PSD3: variants seen among roughly 807,000 people sequenced by gnomAD.
The protein encoded by PSD3 is PH and SEC7 domain-containing protein 3.
A neutral mutation model predicts 105.5 loss-of-function variants in PSD3; 49 were observed. The ratio of observed to expected loss-of-function variants is 0.46; its 90% confidence interval spans 0.37 to 0.59. The LOEUF is 0.59. Among genes scored for constraint, PSD3 ranks in the 20% least tolerant of loss-of-function variants. The pLI, the probability that PSD3 is intolerant of heterozygous loss-of-function variation, is 0.00. For synonymous variants in PSD3, 557 were observed against 457.8 expected (o/e 1.22, Z -2.77); for missense variants, 1,561 against 1,263.8 (o/e 1.24, Z -3.57).
At chr8:18,731,658 C>T (rs898428806) in intron 9 of PSD3, among the ~76,000 whole-genome samples, 1 of 152,154 alleles carries the variant, frequency 6.6e-6, no homozygotes, top group African/African-American at 2.4e-5. Context: ...CTTATAGAAA[C>T]TGAAACCAGG....
At chr8:18,596,398 GA>G (rs1415980155) in intron 12 of PSD3, among the ~76,000 whole-genome samples, 1 of 151,534 alleles carries the variant, frequency 6.6e-6, no homozygotes, top group Non-Finnish European at 1.5e-5. Flanking sequence ...AGAAATAAAC[GA>G]AATAGAGAAA....
At chr8:18,616,100 GC>G (rs761928402) in intron 11 of PSD3, among the ~76,000 whole-genome samples, 16 of 152,314 alleles carry the variant, frequency 1.1e-4, no homozygotes, top group Non-Finnish European at 2.4e-4. Context: ...GGTGTTCCTG[GC>G]CCTCATTACA....
intron 4 of PSD3, chr8:18,808,738 T>C: frequency 6.2e-7 from 1 of 1,614,028 alleles, no homozygotes; most frequent in Non-Finnish European, 8.5e-7. Context: ...GACAATATGA[T>C]GGCAATATAA....
chr8:18,771,865 A>G (rs1371194348), intron 8 of PSD3, among the ~76,000 whole-genome samples: 1 of 152,230 alleles, frequency 6.6e-6, no homozygotes, highest in East Asian at 1.9e-4. Flanking sequence ...CTCAAACTCT[A>G]TACCCATTAA....
Position 18,727,553 on chromosome 8 carries a change from C to CACAT in PSD3, c.2172+37895_2172+37896insATGT, listed in dbSNP as rs1201239067. On this transcript the variant is annotated intron_variant, in intron 9 of 15. Transcript: ENST00000327040. Reference sequence around the variant, plus strand: ...TAGCTAAATTAAAAAAAAATCCAAACACACACACACACACACACACACACA... The same window carrying CACAT: ...TAGCTAAATTAAAAAAAAATCCAAACACATACACACACACACACACACACACACA... Among the ~76,000 whole-genome samples the CACAT allele has an allele frequency of 5.7e-3, 683 of 119,188 alleles. 6 individuals carry two copies. Among genetic ancestry groups the CACAT allele is most frequent in the African/African-American group, 0.028 (651 of 23,570 alleles). 78.2% of individuals were successfully genotyped at this position (119,188 alleles called of 152,430 possible). A position where few individuals can be genotyped will look rare whatever the true frequency, so the allele number is the denominator to read the frequency against.
In PSD3 at chr8:18,591,681, G is replaced by C. The variant is rs575388034; in HGVS notation, c.2481+8683C>G. Among the ~76,000 whole-genome samples, 17 of 152,286 alleles carry C rather than the reference G, an allele frequency of 1.1e-4. No individual in the cohort carries two copies. The South Asian group carries it at 2.5e-3, about 22-fold the overall frequency. ...CTTGATTTCTCCCTTGGGAGGGAGA[G>C]AGAGAGGAGCAGAGTATGCATCCAG... is the stretch of plus-strand genomic sequence containing the variant. On this transcript the variant is annotated intron_variant, in intron 12 of 15. Transcript: ENST00000327040.
intron 4 of PSD3, chr8:18,809,021 C>T (rs917081847): frequency 5.8e-6 from 6 of 1,039,358 alleles, no homozygotes; most frequent in African/African-American, 4.9e-5. Context: ...CACTGTCTAT[C>T]GAGAACGTAA....
intron 8 of PSD3, among the ~76,000 whole-genome samples, chr8:18,771,091 C>G (rs970883094): frequency 2.0e-5 from 3 of 152,212 alleles, no homozygotes; most frequent in Non-Finnish European, 2.9e-5. Flanking sequence ...TGACATCCAG[C>G]TGTAGTCTCC....
chr8:18,551,170 G>A (rs1177576579), intron 15 of PSD3, among the ~76,000 whole-genome samples: 2 of 152,078 alleles, frequency 1.3e-5, no homozygotes, highest in Non-Finnish European at 2.9e-5. Flanking sequence ...CTAGATAATG[G>A]CCCCTACTAT....
intron 9 of PSD3, among the ~76,000 whole-genome samples, chr8:18,744,206 G>A (rs1262504401): frequency 6.6e-6 from 1 of 152,044 alleles, no homozygotes; most frequent in African/African-American, 2.4e-5. Context: ...CATCCTGTAG[G>A]CTTTACATGG....
chr8:18,709,245 C>G (rs1043122605), intron 9 of PSD3, among the ~76,000 whole-genome samples: 1 of 152,196 alleles, frequency 6.6e-6, no homozygotes, highest in African/African-American at 2.4e-5. Context: ...CATGGGCTGA[C>G]TTCTTTAGGT....
chr8:18,772,558 G>C (rs918167942), intron 8 of PSD3, among the ~76,000 whole-genome samples: 2 of 152,072 alleles, frequency 1.3e-5, no homozygotes, highest in South Asian at 2.1e-4. Context: ...GCCCAGGCTG[G>C]AGTGCAGTGG....
At chr8:18,549,169 T>A (rs1242701749) in intron 15 of PSD3, among the ~76,000 whole-genome samples, 4 of 126,098 alleles carry the variant, frequency 3.2e-5, no homozygotes, top group African/African-American at 8.8e-5. Context: ...TTATTCTGTC[T>A]ATTCTCAGTT....
rs114589187 is a variant in PSD3, at chr8:18,770,839, C to G, written c.2083-5301G>C. Reference sequence around the variant, plus strand: ...GGGTCAGTGTGACAGCCTTTTGCAACCACACTTGGGGCACCTGAGCTCTTT... The same window carrying G: ...GGGTCAGTGTGACAGCCTTTTGCAAGCACACTTGGGGCACCTGAGCTCTTT... On this transcript the variant is annotated intron_variant, in intron 8 of 15. Transcript: ENST00000327040. Among the ~76,000 whole-genome samples the G allele has an allele frequency of 4.7e-3, 719 of 152,322 alleles. 8 individuals carry two copies. The highest frequency in any genetic ancestry group is 0.017 in the African/African-American group (695 of 41,574).
intron 8 of PSD3, among the ~76,000 whole-genome samples, chr8:18,782,714 G>A (rs111445051): frequency 6.6e-6 from 1 of 152,278 alleles, no homozygotes; most frequent in African/African-American, 2.4e-5. Flanking sequence ...GCCCTTAGAT[G>A]GTATGCATAA....
chr8:18,582,905 A>G (rs1255616262), intron 12 of PSD3, among the ~76,000 whole-genome samples: 1 of 147,352 alleles, frequency 6.8e-6, no homozygotes, highest in East Asian at 2.0e-4. Flanking sequence ...GGCTCACTGC[A>G]ACCTCCACCT....
chr8:18,859,815 C>T (rs550715297), intron 4 of PSD3, among the ~76,000 whole-genome samples: 27 of 152,340 alleles, frequency 1.8e-4, no homozygotes, highest in Non-Finnish European at 3.4e-4. Context: ...CTTAAGGAAA[C>T]GTTGTGGCTG....
In PSD3 at chr8:18,784,279, CT is replaced by C. The variant is rs1432005170; in HGVS notation, c.2082+15015del. Among the ~76,000 whole-genome samples, 4 of 152,272 alleles carry C rather than the reference CT, an allele frequency of 2.6e-5. No homozygotes were observed. The East Asian group carries it at 5.8e-4, about 22-fold the overall frequency. On this transcript the variant is annotated intron_variant, in intron 8 of 15. Transcript: ENST00000327040. ...TGCTAATTTCTCAATAAAACAATTT[CT>C]CCCTCCAATTCTGTCCATTGTTCTT...
intron 4 of PSD3, among the ~76,000 whole-genome samples, chr8:18,834,538 T>C (rs532533500): frequency 8.5e-5 from 13 of 152,292 alleles, no homozygotes; most frequent in African/African-American, 3.1e-4. Flanking sequence ...CTCAGCTGAC[T>C]GGAACAGGAG....
Sources: gnomAD v4.1 joint callset for allele counts (sites outside exome capture counted in the v4.1 genomes callset) on GRCh38, gnomAD v4.1.1 for gene constraint, MANE v1.5 for transcripts, NCBI Gene and HGNC (gene_info 2026-07-23, HGNC 2026-07-21) for gene names.